The following SEPTIN12 variants were observed in gnomAD, a reference collection of about 807,000 sequenced individuals.
SEPTIN12 encodes septin 12, also known as septin-12.
Under a neutral mutation model 37.7 loss-of-function variants are expected in SEPTIN12, and 42 were observed. The ratio of observed to expected loss-of-function variants is 1.11; its 90% CI spans 0.87 to 1.44. SEPTIN12 has a LOEUF of 1.44. SEPTIN12 is among the 40% of genes most tolerant of loss of function. SEPTIN12 has a pLI of 0.00. For synonymous variants in SEPTIN12, 254 were observed against 196.7 expected (o/e 1.29, Z -2.44); for missense variants, 613 against 479.2 (o/e 1.28, Z -2.61).
Position 4,783,962 on chromosome 16 carries a change from A to C in SEPTIN12, c.481T>G (p.Cys161Gly). Residue 161 changes from cysteine (C) to glycine (G), a missense_variant, in exon 5 of 10, where the codon TGC (cysteine) becomes GGC (glycine). Coordinates refer to ENST00000268231, the MANE Select transcript of SEPTIN12 (RefSeq NM_144605.5). ...RHIPDTRVHC[C>G]VYFVPPTGHC... Reference sequence around the variant, plus strand: ...CCAGTGGGTGGTACAAAGTACACGCAGCAGTGCACCCGGGTGTCTGGGATG... The same window carrying C: ...CCAGTGGGTGGTACAAAGTACACGCCGCAGTGCACCCGGGTGTCTGGGATG... 6.2e-7 allele frequency: 1 copy of C among 1,614,166 alleles called. No homozygotes were observed. Among genetic ancestry groups the C allele is most frequent in the Non-Finnish European group, 8.5e-7 (1 of 1,180,006 alleles).
rs1443838726 is a variant in SEPTIN12 at position 4,786,034 on chromosome 16, G to A, written c.238C>T (p.Pro80Ser). 2 of 1,614,026 alleles carry A rather than the reference G, an allele frequency of 1.2e-6. No individual in the cohort carries two copies. The highest frequency in any genetic ancestry group is 1.7e-6 in the Non-Finnish European group (2 of 1,179,970). The change falls in exon 3 of 10, where the codon CCG (proline) becomes TCG (serine). Residue 80 changes from proline to serine, a missense_variant. By Grantham distance (74) the Pro-to-Ser change is moderately conservative. Coordinates refer to ENST00000268231, the MANE Select transcript of SEPTIN12 (RefSeq NM_144605.5). ...FKSKVWKSNP[P>S]GLGVPTPQTL... ...TGGGGTGTGGGCACCCCCAAGCCCGGTGGGTTTGACTTCCACACTTTGGAC... is the reference window on the plus strand; with the variant it reads ...TGGGGTGTGGGCACCCCCAAGCCCGATGGGTTTGACTTCCACACTTTGGAC...
chr16:4,778,332 C>T (rs972653927), intron 8 of SEPTIN12, among the ~76,000 whole-genome samples, 195 bp from the exon 9 acceptor site: 1 of 152,216 alleles, frequency 6.6e-6, no homozygotes, highest in Non-Finnish European at 1.5e-5. Context: ...GCGGCTCCTA[C>T]AAATAGCTGT....
intron 7 of SEPTIN12, among the ~76,000 whole-genome samples, chr16:4,781,806 G>A (rs540258285): frequency 1.7e-4 from 25 of 150,720 alleles, no homozygotes; most frequent in Non-Finnish European, 2.7e-4. Context: ...CACCACACCC[G>A]GCTAATTTTG....
chr16:4,790,296 A>G (rs1176620557), upstream of SEPTIN12, among the ~76,000 whole-genome samples: 2 of 152,164 alleles, frequency 1.3e-5, no homozygotes, highest in Non-Finnish European at 2.9e-5. Flanking sequence ...TTGCAGTGAG[A>G]AAGTCGCCAC....
rs569599063 is a variant in SEPTIN12 at position 4,783,992 on chromosome 16, G to C, written c.451C>G (p.Arg151Gly). 9 of 1,614,050 alleles carry C rather than the reference G, an allele frequency of 5.6e-6. No individual in the cohort carries two copies. Among genetic ancestry groups the C allele is most frequent in the South Asian group, 4.4e-5 (4 of 91,086 alleles). ...TGCACCCGGGTGTCTGGGATGTGGCGCTGGCGGGTGATGAGGATCTCCTCC... is the reference window on the plus strand; with the variant it reads ...TGCACCCGGGTGTCTGGGATGTGGCCCTGGCGGGTGATGAGGATCTCCTCC... Reference protein sequence around the residue: ...LQEEILITRQRHIPDTRVHCC... With the variant: ...LQEEILITRQGHIPDTRVHCC... Residue 151 changes from arginine (R) to glycine (G), a missense_variant, in exon 5 of 10, where the codon CGC becomes GGC. Physicochemically the swap from Arg to Gly is moderately radical, Grantham distance 125. Coordinates refer to ENST00000268231, the MANE Select transcript of SEPTIN12 (RefSeq NM_144605.5).
At chr16:4,790,192 G>C (rs530804889), upstream of SEPTIN12, 3 of 152,268 alleles carry the variant, frequency 2.0e-5, no homozygotes, top group Admixed American at 6.6e-5. Flanking sequence ...ACCACACTCA[G>C]GCTGGCAAGT....
rs1199993714 is a variant in SEPTIN12, at chr16:4,783,704, A to G, written c.575T>C (p.Val192Ala). ...GGTCAGGCTGTCGGCCCTGGCAATC[A>G]CGGGCACCACATTCACAGTCCGGCA... ...RLCRTVNVVPVIARADSLTME... is the reference protein window; with the variant it reads ...RLCRTVNVVPAIARADSLTME... Residue 192 changes from valine to alanine, a missense_variant, in exon 6 of 10, where the codon GTG (valine) becomes GCG (alanine). Transcript: ENST00000268231. 1 of 1,613,996 alleles carries G rather than the reference A, an allele frequency of 6.2e-7. No individual in the cohort carries two copies. Among genetic ancestry groups the G allele is most frequent in the South Asian group, 1.1e-5 (1 of 91,076 alleles).
intron 8 of SEPTIN12, among the ~76,000 whole-genome samples, chr16:4,778,618 T>A (rs1236041952): frequency 6.6e-6 from 1 of 150,556 alleles, no homozygotes; most frequent in African/African-American, 2.5e-5. Context: ...CTGGACGACA[T>A]AGTGAAGCCC....
rs750503673 is a variant in SEPTIN12, at chr16:4,784,076, GGGAGGT to G, written c.375-14_375-9del. 5 of 1,613,846 alleles carry G rather than the reference GGGAGGT, an allele frequency of 3.1e-6. No individual in the cohort carries two copies. In the South Asian group the frequency reaches 5.5e-5, roughly 18 times the overall value. On this transcript the variant is annotated splice_polypyrimidine_tract_variant and intron_variant, in intron 4 of 9. Coordinates refer to ENST00000268231, the MANE Select transcript of SEPTIN12 (RefSeq NM_144605.5). ...CCCAGGATGGGGTCCCAGCTGAGGC[GGGAGGT>G]GGACCCTCCCCTCAGAACTGTGCTG...
At chr16:4,782,766 G>C (rs569360888) in intron 7 of SEPTIN12, among the ~76,000 whole-genome samples, 2 of 152,112 alleles carry the variant, frequency 1.3e-5, no homozygotes, top group East Asian at 3.9e-4. Flanking sequence ...ACCACGCCCA[G>C]CTGATTTCTT....
In SEPTIN12 at chr16:4,777,952, C is replaced by CA; in HGVS notation, c.921dup (p.Glu308Ter). ...TTGAGTCTGATGACGCGGTAGTTCT[C>CA]ATAGTGGATGTTGTGGGTTATGTCC... is the stretch of plus-strand genomic sequence containing the variant. On this transcript the variant is annotated frameshift_variant, in exon 10 of 10. Coordinates refer to ENST00000268231, the MANE Select transcript of SEPTIN12 (RefSeq NM_144605.5). LOFTEE classifies it low-confidence loss of function (END_TRUNC). 6.2e-7 allele frequency: 1 copy of CA among 1,610,620 alleles called. No individual in the cohort carries two copies. Among genetic ancestry groups the CA allele is most frequent in the Non-Finnish European group, 8.5e-7 (1 of 1,178,550 alleles).
Position 4,783,647 on chromosome 16 carries a change from A to T in SEPTIN12, c.630+2T>A, listed in dbSNP as rs773247193. 6.2e-7 allele frequency: 1 copy of T among 1,613,482 alleles called. No individual in the cohort carries two copies. The highest frequency in any genetic ancestry group is 2.2e-5 in the East Asian group (1 of 44,848). On this transcript the variant is annotated splice_donor_variant, in intron 6 of 9. Transcript: ENST00000268231. LOFTEE classifies it high-confidence loss of function. ...CCAGCCCTGCCCGGGCATCCAGATC[A>T]CCCTGCGCCTGAAGGCCTCTCGCTC... is the stretch of plus-strand genomic sequence containing the variant.
At position 4,787,682 on chromosome 16, in the gene SEPTIN12, G is replaced by A. The variant is rs755496524; in HGVS notation, c.-22-15C>T. The A allele has an allele frequency of 2.7e-5, 33 of 1,209,382 alleles. No homozygotes were observed. In the South Asian group the frequency reaches 3.6e-4, roughly 13 times the overall value. 74.9% of individuals were successfully genotyped at this position (1,209,382 alleles called of 1,614,324 possible). On this transcript the variant is annotated splice_polypyrimidine_tract_variant and intron_variant, in intron 1 of 9. Transcript: ENST00000268231. The stretch of plus-strand genomic sequence containing the variant: ...GTTCGAGATGCCTGTCACCAGGTGG[G>A]TGGGGAGAAGGGGGTCACTGGGGCT...
At position 4,778,150 on chromosome 16, in the gene SEPTIN12, G is replaced by A; in HGVS notation, c.824-13C>T. ...GCCATGTTCTCCACTGCAAGACATGGGACTCAGTATGGGCGCTGCTTAGTG... is the reference window on the plus strand; with the variant it reads ...GCCATGTTCTCCACTGCAAGACATGAGACTCAGTATGGGCGCTGCTTAGTG... On this transcript the variant is annotated splice_polypyrimidine_tract_variant and intron_variant, in intron 8 of 9. Transcript: ENST00000268231. 6.2e-7 allele frequency: 1 copy of A among 1,614,110 alleles called. No individual in the cohort carries two copies. The highest frequency in any genetic ancestry group is 8.5e-7 in the Non-Finnish European group (1 of 1,179,976).
upstream of SEPTIN12, chr16:4,790,127 T>C (rs1415439941): frequency 1.3e-5 from 2 of 151,972 alleles, no homozygotes; most frequent in Admixed American, 1.3e-4. Flanking sequence ...TTGCCCAAGA[T>C]TGTCTTGAAC....
At chr16:4,785,604 T>C (rs2082428390) in intron 4 of SEPTIN12, 2 of 544,662 alleles carry the variant, frequency 3.7e-6, no homozygotes, top group Admixed American at 3.1e-5. Flanking sequence ...TGAAACCCCA[T>C]CTCAACTAAA....
chr16:4,786,180 A>C lies in SEPTIN12; in HGVS notation c.167-75T>G, dbSNP rs143219281. On this transcript the variant is annotated intron_variant, in intron 2 of 9. Coordinates refer to ENST00000268231, the MANE Select transcript of SEPTIN12 (RefSeq NM_144605.5). ...TTTTTCTCTAACTCTTTACTTTTCT[A>C]TTTTATTTTTGGAGACAGGTTCTCA... 1.8e-3 allele frequency: 2,641 copies of C among 1,507,758 alleles called. 2 individuals carry two copies. Among genetic ancestry groups the C allele is most frequent in the Middle Eastern group, 5.1e-3 (21 of 4,154 alleles). 93.4% of individuals were successfully genotyped at this position (1,507,758 alleles called of 1,614,324 possible).
chr16:4,787,478 A>G lies in SEPTIN12; in HGVS notation c.166+2T>C, dbSNP rs2082474631. On this transcript the variant is annotated splice_donor_variant, in intron 2 of 9. Coordinates refer to ENST00000268231, the MANE Select transcript of SEPTIN12 (RefSeq NM_144605.5). LOFTEE classifies it high-confidence loss of function. ...CTGCCGTGGGCCCTACCTCTCACTC[A>G]CCCACCACCATGATGTTGAACTCAA... The G allele has an allele frequency of 1.2e-6, 2 of 1,612,018 alleles. No homozygotes were observed. The highest frequency in any genetic ancestry group is 2.7e-5 in the African/African-American group (2 of 74,832).
At chr16:4,788,175 G>C (rs901296259) in intron 1 of SEPTIN12, 105 bp downstream of exon 1, 2 of 156,984 alleles carry the variant, frequency 1.3e-5, no homozygotes, top group African/African-American at 4.8e-5. Context: ...AGGTGACGGA[G>C]ACAGAGAGAG....
Sources: allele counts gnomAD v4.1 joint callset (sites outside exome capture counted in the v4.1 genomes callset), GRCh38; gene constraint gnomAD v4.1.1; transcripts MANE v1.5; gene names NCBI Gene and HGNC (gene_info 2026-07-23, HGNC 2026-07-21).